IQSEC1: variants seen among roughly 807,000 people sequenced by gnomAD.
The protein encoded by IQSEC1 is IQ motif and Sec7 domain ArfGEF 1.
In IQSEC1, 31 loss-of-function variants were observed where a neutral mutation model predicts 91.0. That is an observed-to-expected ratio of 0.34 (90% CI 0.26 to 0.46). The LOEUF (loss-of-function observed/expected upper bound fraction) is 0.46, where lower values mean the gene tolerates loss of function less well. IQSEC1 is among the 20% of genes least tolerant of loss of function. The pLI, the probability that IQSEC1 is intolerant of heterozygous loss-of-function variation, is 1.00. For synonymous variants in IQSEC1, 699 were observed against 662.6 expected (o/e 1.05, Z -0.84); for missense variants, 1,388 against 1,575.6 (o/e 0.88, Z 2.02).
chr3:13,204,033 C>T (rs1694294583), intron 1 of IQSEC1, among the ~76,000 whole-genome samples: 1 of 152,226 alleles, frequency 6.6e-6, no homozygotes, highest in South Asian at 2.1e-4. Flanking sequence ...CCCTTCCCCC[C>T]GCCCATCTGT....
At chr3:13,136,728 C>T (rs1414442567) in intron 2 of IQSEC1, among the ~76,000 whole-genome samples, 1 of 152,188 alleles carries the variant, frequency 6.6e-6, no homozygotes, top group Non-Finnish European at 1.5e-5. Flanking sequence ...GTGGGTGACC[C>T]CACCAGACGG....
In IQSEC1 at chr3:12,967,801, G is replaced by C; in HGVS notation, c.24-25936C>G. The C allele has an allele frequency of 1.7e-6, 1 of 572,392 alleles. No homozygotes were observed. Among genetic ancestry groups the C allele is most frequent in the African/African-American group, 2.0e-5 (1 of 49,228 alleles). The allele number at this position is 572,392 out of a possible 1,614,324, so 35.5% of individuals were successfully genotyped here. A position where few individuals can be genotyped will look rare whatever the true frequency, so the allele number is the denominator to read the frequency against. ...GGGCCGGAGGGCGAGCTGGGGGCGG[G>C]GCTGCGCGCGGGGGCGAGACTGCAC... On this transcript the variant is annotated intron_variant, in intron 1 of 13. Coordinates refer to ENST00000613206, the MANE Select transcript of IQSEC1 (RefSeq NM_001134382.3). This position sits in a 1 kb window ranked among gnomAD's most constrained non-coding sequence, Gnocchi z 5.9.
intron 1 of IQSEC1, among the ~76,000 whole-genome samples, chr3:13,017,356 CG>C (rs1285183817): frequency 1.3e-5 from 2 of 152,226 alleles, no homozygotes; most frequent in African/African-American, 4.8e-5. Context: ...GGGTCTAGCC[CG>C]GGGCAGCAAA....
chr3:13,139,336 T>G lies in IQSEC1; in HGVS notation c.302+24768A>C, dbSNP rs149152292. Among the ~76,000 whole-genome samples the G allele has an allele frequency of 6.3e-3, 963 of 152,342 alleles. 7 individuals are homozygous for G. The highest frequency in any genetic ancestry group is 0.017 in the South Asian group (82 of 4,826). ...AAAGATCCCCTTTGGAGTCCGTAAT[T>G]TCCTCTCTATAAGAGACAGAAAAAG... On this transcript the variant is annotated intron_variant, in intron 2 of 15. Transcript: ENST00000648114.
chr3:13,039,919 G>A (rs557798108), intron 1 of IQSEC1, among the ~76,000 whole-genome samples: 1 of 152,310 alleles, frequency 6.6e-6, no homozygotes, highest in African/African-American at 2.4e-5. Context: ...ACCACCGACT[G>A]GCCATGAGCC....
intron 1 of IQSEC1, among the ~76,000 whole-genome samples, chr3:13,031,786 G>A (rs1703851247): frequency 6.6e-6 from 1 of 152,096 alleles, no homozygotes; most frequent in Non-Finnish European, 1.5e-5. Context: ...GTGAGGAGAG[G>A]GCGGTGCTAC....
Position 13,094,563 on chromosome 3 carries a change from C to A in IQSEC1, c.303-47041G>T, listed in dbSNP as rs1013998057. On this transcript the variant is annotated intron_variant, in intron 2 of 15. Transcript: ENST00000648114. ...CAACCTCTCTCTCCTCCTGACACCC[C>A]CCACCTGGTGCCAGACCCTGCACTA... is the stretch of plus-strand genomic sequence containing the variant. 5.3e-5 allele frequency among the ~76,000 whole-genome samples: 8 copies of A among 152,296 alleles called. No individual in the cohort carries two copies. In the East Asian group the frequency reaches 1.2e-3, roughly 22 times the overall value.
At chr3:12,957,571 C>T (rs1364646855) in intron 1 of IQSEC1, among the ~76,000 whole-genome samples, 4 of 152,240 alleles carry the variant, frequency 2.6e-5, no homozygotes, top group African/African-American at 4.8e-5. Flanking sequence ...GCCCCAGGGA[C>T]ACCCCAGGAG....
intron 1 of IQSEC1, among the ~76,000 whole-genome samples, chr3:12,975,470 A>G (rs1165389261): frequency 6.6e-6 from 1 of 152,140 alleles, no homozygotes; most frequent in Non-Finnish European, 1.5e-5. Flanking sequence ...TTAATCCTCA[A>G]CAACCTTCCA....
chr3:13,002,382 T>C (rs1207983762), intron 1 of IQSEC1, among the ~76,000 whole-genome samples: 1 of 151,922 alleles, frequency 6.6e-6, no homozygotes, highest in Non-Finnish European at 1.5e-5. Flanking sequence ...AAAGACACCA[T>C]CAAGAAAGTA....
Position 12,897,587 on chromosome 3 carries a change from C to T in IQSEC1, c.*3396G>A, listed in dbSNP as rs1020490971. 2.0e-5 allele frequency: 3 copies of T among 152,230 alleles called. No individual in the cohort carries two copies. The highest frequency in any genetic ancestry group is 4.4e-5 in the Non-Finnish European group (3 of 68,060). The allele number at this position is 152,230 out of a possible 1,614,324, so 9.4% of individuals were successfully genotyped here. A position where few individuals can be genotyped will look rare whatever the true frequency, so the allele number is the denominator to read the frequency against. On this transcript the variant is annotated 3_prime_UTR_variant, in exon 14 of 14. Transcript: ENST00000613206. ...CCTGTGCTCAGCACCCCCACCTCACCCTGCTCAGTGTTGCAATGCTGCCTT... is the reference window on the plus strand; with the variant it reads ...CCTGTGCTCAGCACCCCCACCTCACTCTGCTCAGTGTTGCAATGCTGCCTT...
chr3:12,912,624 A>G (rs1695669509), intron 9 of IQSEC1, among the ~76,000 whole-genome samples: 1 of 137,384 alleles, frequency 7.3e-6, no homozygotes, highest in South Asian at 2.3e-4. Context: ...AGATTGCGCC[A>G]CTGCAGTCCG....
At chr3:13,093,597 G>A (rs1475037963) in intron 2 of IQSEC1, among the ~76,000 whole-genome samples, 1 of 152,206 alleles carries the variant, frequency 6.6e-6, no homozygotes, top group South Asian at 2.1e-4. Flanking sequence ...AGGTTATTCA[G>A]TGTGATTCCT....
intron 1 of IQSEC1, among the ~76,000 whole-genome samples, chr3:12,971,130 T>A (rs912973035): frequency 3.3e-5 from 5 of 152,172 alleles, no homozygotes; most frequent in Admixed American, 3.3e-4. Context: ...AAACATACAA[T>A]ATTAATGCGC....
At chr3:13,154,182 G>A (rs1707044120) in intron 2 of IQSEC1, among the ~76,000 whole-genome samples, 1 of 151,666 alleles carries the variant, frequency 6.6e-6, no homozygotes, top group African/African-American at 2.4e-5. Flanking sequence ...CTCTCTTGTT[G>A]CGGGGAAGAA....
chr3:12,907,066 G>C (rs1260056643), intron 12 of IQSEC1, among the ~76,000 whole-genome samples: 1 of 152,212 alleles, frequency 6.6e-6, no homozygotes, highest in Non-Finnish European at 1.5e-5. Context: ...GGCCAGGAAT[G>C]CGAGTAAACA....
At chr3:12,913,590 G>A (rs1487899726) in intron 8 of IQSEC1, 37 bp from the exon 9 acceptor site, 4 of 1,583,736 alleles carry the variant, frequency 2.5e-6, no homozygotes, top group Non-Finnish European at 3.4e-6. Context: ...CGGCCGCCCA[G>A]CTCTCCTCTA....
At chr3:13,047,810 C>T (rs1048109418) in intron 1 of IQSEC1, among the ~76,000 whole-genome samples, 1 of 152,138 alleles carries the variant, frequency 6.6e-6, no homozygotes, top group Non-Finnish European at 1.5e-5. Context: ...GCGCAGTGGG[C>T]AGGGTTAAAG....
intron 3 of IQSEC1, among the ~76,000 whole-genome samples, chr3:12,926,377 C>T (rs1311258429): frequency 6.6e-6 from 1 of 152,072 alleles, no homozygotes; most frequent in East Asian, 1.9e-4. Flanking sequence ...CACATGTGAC[C>T]CTGAAGGATG....
Sources: allele counts gnomAD v4.1 joint callset (sites outside exome capture counted in the v4.1 genomes callset), GRCh38; gene constraint gnomAD v4.1.1; non-coding constraint Gnocchi (gnomAD v3.1); transcripts MANE v1.5; gene names NCBI Gene and HGNC (gene_info 2026-07-23, HGNC 2026-07-21).